Variants in USO1 observed in about 807,000 individuals in gnomAD.
USO1 encodes USO1 vesicle transport factor.
A neutral mutation model predicts 124.5 loss-of-function variants in USO1; 57 were observed. The ratio of observed to expected loss-of-function variants is 0.46; its 90% confidence interval spans 0.37 to 0.57. USO1 has a LOEUF of 0.57. USO1 is among the 20% of genes least tolerant of loss of function. The pLI is 0.00. For synonymous variants in USO1, 369 were observed against 362.8 expected, an observed-to-expected ratio of 1.02 and a Z score of -0.19; for missense variants, 900 against 1,040.6, an observed-to-expected ratio of 0.86 and a Z score of 1.86.
chr4:75,808,594 T>G (rs1056030334), intron 20 of USO1, among the ~76,000 whole-genome samples: 1 of 152,200 alleles, frequency 6.6e-6, no homozygotes, highest in South Asian at 2.1e-4. Context: ...TGTGCTGATT[T>G]AGTTATCACT....
Position 75,724,640 on chromosome 4 carries a change from C to G in USO1, c.-180C>G. On this transcript the variant is annotated 5_prime_UTR_variant, in exon 1 of 24. Coordinates refer to ENST00000514213, the MANE Select transcript of USO1 (RefSeq NM_003715.4). Reference sequence around the variant, plus strand: ...ACGTCCCCGCGCATGCGCATCTTGGCCGCTGCTGGCGGCTGTTTCCGGGCT... The same window carrying G: ...ACGTCCCCGCGCATGCGCATCTTGGGCGCTGCTGGCGGCTGTTTCCGGGCT... 1.6e-6 allele frequency: 1 copy of G among 606,684 alleles called. No individual in the cohort carries two copies. The highest frequency in any genetic ancestry group is 2.9e-6 in the Non-Finnish European group (1 of 346,258). 37.6% of individuals were successfully genotyped at this position (606,684 alleles called of 1,614,324 possible). A position where few individuals can be genotyped will look rare whatever the true frequency, so the allele number is the denominator to read the frequency against.
chr4:75,724,961 G>A, intron 1 of USO1, 76 bp downstream of exon 1: 1 of 1,534,332 alleles, frequency 6.5e-7, no homozygotes, highest in East Asian at 2.3e-5. Flanking sequence ...GAGACCCGAA[G>A]GTCACCTCCA....
intron 4 of USO1, among the ~76,000 whole-genome samples, chr4:75,769,930 T>G (rs556952193): frequency 3.3e-5 from 5 of 152,104 alleles, no homozygotes; most frequent in Non-Finnish European, 7.4e-5. Flanking sequence ...TGGAGTAGAT[T>G]GGTTTAATTT....
At chr4:75,768,141 C>T (rs1399056841) in intron 4 of USO1, among the ~76,000 whole-genome samples, 6 of 152,138 alleles carry the variant, frequency 3.9e-5, no homozygotes, top group African/African-American at 1.4e-4. Context: ...CTCAGCCTCC[C>T]GAGTAGCTGG....
chr4:75,761,326 T>C (rs6419115), intron 4 of USO1, among the ~76,000 whole-genome samples: 137,348 of 152,114 alleles, frequency 0.9, 62,163 homozygotes, highest in African/African-American at 0.97. Context: ...GTGGGAAAAC[T>C]GCTTGAGCCC....
intron 4 of USO1, among the ~76,000 whole-genome samples, chr4:75,761,442 A>T (rs1013495551): frequency 1.3e-5 from 2 of 152,114 alleles, no homozygotes; most frequent in South Asian, 4.1e-4. Flanking sequence ...AACAAACAAA[A>T]ATCTATAAAA....
At position 75,770,888 on chromosome 4, in the gene USO1, C is replaced by T; in HGVS notation, c.463C>T (p.Pro155Ser). ...TACTTCTCTTTTAAAACAACTAGGGCCTCAGGTGCAACAAATTATTTTAGT... is the reference window on the plus strand; with the variant it reads ...TACTTCTCTTTTAAAACAACTAGGGTCTCAGGTGCAACAAATTATTTTAGT... ...LLTSLLKQLG[P>S]QVQQIILVSP... Residue 155 changes from proline to serine, a missense_variant, in exon 6 of 24, where the codon CCT (proline) becomes TCT (serine). Transcript: ENST00000514213. 1 of 1,613,678 alleles carries T rather than the reference C, an allele frequency of 6.2e-7. No individual in the cohort carries two copies. The highest frequency in any genetic ancestry group is 1.3e-5 in the African/African-American group (1 of 75,002).
chr4:75,744,862 T>C (rs977091362), intron 1 of USO1: 2 of 473,602 alleles, frequency 4.2e-6, no homozygotes, highest in Non-Finnish European at 8.3e-6. Context: ...TGTTTTCTAT[T>C]GCTGCAGTAT....
At chr4:75,726,791 T>A (rs1260992452) in intron 1 of USO1, among the ~76,000 whole-genome samples, 1 of 152,230 alleles carries the variant, frequency 6.6e-6, no homozygotes, top group Non-Finnish European at 1.5e-5. Flanking sequence ...CATACCATAA[T>A]CACAGCCCAC....
intron 10 of USO1, among the ~76,000 whole-genome samples, chr4:75,789,604 T>C (rs947999655): frequency 7.9e-5 from 12 of 152,184 alleles, no homozygotes; most frequent in African/African-American, 2.9e-4. Flanking sequence ...GCAATTCCAT[T>C]AGTAGACTTT....
intron 20 of USO1, 62 bp downstream of exon 20, chr4:75,806,634 C>G: frequency 6.6e-7 from 1 of 1,513,250 alleles, no homozygotes; most frequent in Non-Finnish European, 8.8e-7. Flanking sequence ...GAATAACAGC[C>G]CTATAGTTTC....
chr4:75,724,712 T>G lies in USO1; in HGVS notation c.-108T>G. The G allele has an allele frequency of 3.6e-6, 4 of 1,118,874 alleles. No individual in the cohort carries two copies. The highest frequency in any genetic ancestry group is 5.2e-6 in the Non-Finnish European group (4 of 772,196). 69.3% of individuals were successfully genotyped at this position (1,118,874 alleles called of 1,614,324 possible). A position where few individuals can be genotyped will look rare whatever the true frequency, so the allele number is the denominator to read the frequency against. On this transcript the variant is annotated 5_prime_UTR_variant, in exon 1 of 24. An upstream open reading frame in the 5' UTR loses its in-frame stop. Transcript: ENST00000514213. ...GAGTTGGAGGCGGTGGTGGCAGCAG[T>G]AGGAGTGTGTAGAGTGCGGGATTGG...
intron 18 of USO1, among the ~76,000 whole-genome samples, chr4:75,804,542 CT>C (rs1722941366): frequency 6.6e-6 from 1 of 151,936 alleles, no homozygotes; most frequent in African/African-American, 2.4e-5. Context: ...TCCTGAGATG[CT>C]TTTTTAAAAA....
intron 1 of USO1, among the ~76,000 whole-genome samples, chr4:75,726,230 G>GAGATC (rs992784748): frequency 7.0e-6 from 1 of 143,222 alleles, no homozygotes; most frequent in Non-Finnish European, 1.5e-5. Flanking sequence ...ACGGTGAGCA[G>GAGATC]AGATCGTGCC....
chr4:75,743,430 C>T (rs1286114832), intron 1 of USO1, among the ~76,000 whole-genome samples: 3 of 152,142 alleles, frequency 2.0e-5, no homozygotes, highest in Non-Finnish European at 4.4e-5. Flanking sequence ...AATTGTGTTT[C>T]TCTAAGGCCC....
chr4:75,735,351 G>A (rs781001971), intron 1 of USO1, among the ~76,000 whole-genome samples: 15 of 152,204 alleles, frequency 9.9e-5, no homozygotes, highest in Admixed American at 2.0e-4. Context: ...AACCTGTTGG[G>A]TTTTCCAGGT....
intron 17 of USO1, 63 bp downstream of exon 17, chr4:75,801,263 G>A (rs1173940098): frequency 6.9e-6 from 10 of 1,455,056 alleles, no homozygotes; most frequent in Non-Finnish European, 9.1e-6. Context: ...CTTTAAGGGA[G>A]CCTTTTTTTC....
chr4:75,754,605 C>T (rs566432618), intron 3 of USO1, among the ~76,000 whole-genome samples: 44 of 152,304 alleles, frequency 2.9e-4, no homozygotes, highest in African/African-American at 9.4e-4. Flanking sequence ...ATGCCCCCTT[C>T]GACCACTTTT....
intron 18 of USO1, 103 bp from the exon 19 acceptor site, chr4:75,805,037 C>G: frequency 7.2e-7 from 1 of 1,397,164 alleles, no homozygotes; most frequent in Non-Finnish European, 9.4e-7. Flanking sequence ...AAAGTGCTGC[C>G]AAAGTAATTG....
Sources: gnomAD v4.1 joint callset for allele counts (sites outside exome capture counted in the v4.1 genomes callset) on GRCh38, gnomAD v4.1.1 for gene constraint, MANE v1.5 for transcripts, NCBI Gene and HGNC (gene_info 2026-07-23, HGNC 2026-07-21) for gene names.